The following PCYT1B variants were observed in gnomAD, a reference collection of about 807,000 sequenced individuals.
PCYT1B encodes the protein choline-phosphate cytidylyltransferase B.
Under a neutral mutation model 26.4 loss-of-function variants are expected in PCYT1B, and 10 were observed. The ratio of observed to expected loss-of-function variants is 0.38; its 90% CI spans 0.23 to 0.64. PCYT1B has a LOEUF of 0.64. Among genes scored for constraint, PCYT1B ranks in the 30% least tolerant of loss-of-function variants. PCYT1B has a pLI of 0.56. For missense variants in PCYT1B, 161 were observed against 292.7 expected, an observed-to-expected ratio of 0.55 and a Z score of 3.28; for synonymous variants, 131 against 108.4, an observed-to-expected ratio of 1.21 and a Z score of -1.29.
intron 3 of PCYT1B, among the ~76,000 whole-genome samples, chrX:24,595,492 A>G (rs1470515502): frequency 3.6e-5 from 4 of 110,816 alleles, no homozygotes; most frequent in Admixed American, 1.9e-4. Flanking sequence ...CAGTGCAAAA[A>G]TAGCCCTGGG....
intron 3 of PCYT1B, among the ~76,000 whole-genome samples, chrX:24,604,594 G>A (rs1293946622): frequency 9.0e-6 from 1 of 111,124 alleles, no homozygotes; most frequent in East Asian, 2.8e-4. Flanking sequence ...GTGCAGGCTG[G>A]AATGCAATAG....
intron 7 of PCYT1B, among the ~76,000 whole-genome samples, chrX:24,572,268 A>ACG (rs1436532755): frequency 9.2e-5 from 10 of 109,041 alleles, no homozygotes; most frequent in Middle Eastern, 4.6e-3. Context: ...ACGCGCGCGC[A>ACG]CACACACACA....
intron 7 of PCYT1B, among the ~76,000 whole-genome samples, chrX:24,571,028 C>T (rs768034155): frequency 1.0e-3 from 112 of 112,173 alleles, no homozygotes; most frequent in African/African-American, 3.5e-3. Context: ...TGTGAGACCA[C>T]GGGAAAGTTT....
chrX:24,669,362 C>CAA (rs1291606198), intron 1 of PCYT1B, among the ~76,000 whole-genome samples: 1 of 108,902 alleles, frequency 9.2e-6, no homozygotes, highest in African/African-American at 3.3e-5. Context: ...ACTAAAAGTA[C>CAA]AAAAATTAGC....
chrX:24,582,168 G>A (rs976432626), intron 5 of PCYT1B, among the ~76,000 whole-genome samples: 16 of 112,447 alleles, frequency 1.4e-4, no homozygotes, highest in Non-Finnish European at 2.6e-4. Flanking sequence ...GGAACATTCT[G>A]GTGAGAAATC....
At chrX:24,634,444 G>A (rs774907246) in intron 1 of PCYT1B, among the ~76,000 whole-genome samples, 1 of 112,282 alleles carries the variant, frequency 8.9e-6, no homozygotes, top group Non-Finnish European at 1.9e-5. Context: ...AAATCAGCAG[G>A]TGGCTTAAAA....
At chrX:24,600,388 GGA>G (rs1271805654) in intron 3 of PCYT1B, among the ~76,000 whole-genome samples, 2 of 110,944 alleles carry the variant, frequency 1.8e-5, no homozygotes, top group African/African-American at 6.6e-5. Context: ...TCCCAAAATT[GGA>G]GAGAGAAACA....
intron 1 of PCYT1B, among the ~76,000 whole-genome samples, chrX:24,640,815 T>C (rs1232509907): frequency 2.7e-5 from 3 of 111,393 alleles, no homozygotes; most frequent in Admixed American, 9.6e-5. Flanking sequence ...ACTAGACACC[T>C]CCAAGTGGAA....
At chrX:24,645,154 G>A (rs1926583391) in intron 1 of PCYT1B, among the ~76,000 whole-genome samples, 1 of 111,200 alleles carries the variant, frequency 9.0e-6, no homozygotes, top group African/African-American at 3.3e-5. Flanking sequence ...AAGCAGAATA[G>A]CTAAGAGGTA....
intron 3 of PCYT1B, among the ~76,000 whole-genome samples, chrX:24,605,079 G>A (rs1925081874): frequency 9.0e-6 from 1 of 111,579 alleles, no homozygotes; most frequent in Non-Finnish European, 1.9e-5. Context: ...GAATGACTGT[G>A]TGGCCCCCTT....
intron 1 of PCYT1B, among the ~76,000 whole-genome samples, chrX:24,659,563 G>T (rs1440532838): frequency 8.9e-6 from 1 of 111,759 alleles, no homozygotes; most frequent in African/African-American, 3.3e-5. Flanking sequence ...GGGTGTCTTA[G>T]TCTGTTTTAT....
intron 6 of PCYT1B, among the ~76,000 whole-genome samples, chrX:24,578,170 G>A (rs1357605952): frequency 1.8e-5 from 2 of 111,471 alleles, no homozygotes; most frequent in African/African-American, 6.5e-5. Flanking sequence ...AAAAAAGGAT[G>A]AGTTCATGTC....
intron 1 of PCYT1B, among the ~76,000 whole-genome samples, chrX:24,670,267 CAT>C (rs1927230024): frequency 8.9e-6 from 1 of 111,895 alleles, no homozygotes; most frequent in Non-Finnish European, 1.9e-5. Context: ...CAAAATTAAA[CAT>C]GTGGAAAATA....
chrX:24,651,472 AATATATATATATATAT>A (rs200652780), upstream of PCYT1B, among the ~76,000 whole-genome samples: 71 of 26,049 alleles, frequency 2.7e-3, 7 homozygotes, highest in African/African-American at 7.5e-3. Flanking sequence ...AAAAAAAAAA[AATATATATATATATAT>A]ATATATATAT....
chrX:24,602,690 A>C (rs1925005617), intron 3 of PCYT1B, among the ~76,000 whole-genome samples: 1 of 112,348 alleles, frequency 8.9e-6, no homozygotes, highest in African/African-American at 3.2e-5. Flanking sequence ...TTCTCTAAAA[A>C]ATAAAGTTTA....
At chrX:24,658,277 G>T (rs994392337) in intron 1 of PCYT1B, 2 of 112,299 alleles carry the variant, frequency 1.8e-5, no homozygotes, top group African/African-American at 6.5e-5. Flanking sequence ...TGCACTCAGA[G>T]TCTTTGAATG....
At chrX:24,563,385 A>T in intron 7 of PCYT1B, among the ~76,000 whole-genome samples, 1 of 111,366 alleles carries the variant, frequency 9.0e-6, no homozygotes, top group Non-Finnish European at 1.9e-5. Context: ...GGTGAATGGA[A>T]ATCAGAGGGC....
intron 7 of PCYT1B, among the ~76,000 whole-genome samples, chrX:24,566,254 T>C (rs377571812): frequency 9.8e-5 from 11 of 112,167 alleles, no homozygotes; most frequent in African/African-American, 2.9e-4. Context: ...TTCAATGCAA[T>C]GTATAACACA....
At chrX:24,621,817 A>C (rs1265576789) in intron 1 of PCYT1B, 2 of 701,367 alleles carry the variant, frequency 2.9e-6, no homozygotes, top group African/African-American at 2.4e-5. Context: ...CTACTCACAA[A>C]GTTTATTAAA....
Sources: allele counts gnomAD v4.1 joint callset (sites outside exome capture counted in the v4.1 genomes callset), GRCh38; gene constraint gnomAD v4.1.1; transcripts MANE v1.5; gene names NCBI Gene and HGNC (gene_info 2026-07-23, HGNC 2026-07-21).